The following RALYL variants were observed in gnomAD, a reference collection of about 807,000 sequenced individuals.
The protein encoded by RALYL is RALY RNA binding protein like.
RALYL carries 29 observed loss-of-function variants against 35.1 expected under a neutral mutation model. The ratio of observed to expected loss-of-function variants is 0.83; its 90% CI spans 0.61 to 1.13. The LOEUF (loss-of-function observed/expected upper bound fraction) is 1.13, where lower values mean the gene tolerates loss of function less well. Ranked by LOEUF, RALYL falls within the 50% of genes most tolerant of loss-of-function variation. The pLI is 0.00. For missense variants in RALYL, 359 were observed against 360.4 expected, an observed-to-expected ratio of 1.00 and a Z score of 0.03; for synonymous variants, 120 against 127.6, an observed-to-expected ratio of 0.94 and a Z score of 0.40.
intron 2 of RALYL, among the ~76,000 whole-genome samples, chr8:84,644,910 C>A (rs1434859700): frequency 6.6e-6 from 1 of 151,828 alleles, no homozygotes; most frequent in Non-Finnish European, 1.5e-5. Flanking sequence ...CACCACCACA[C>A]CCAGCTAATT....
At chr8:84,837,025 C>A (rs902216755) in intron 4 of RALYL, among the ~76,000 whole-genome samples, 3 of 152,150 alleles carry the variant, frequency 2.0e-5, no homozygotes, top group African/African-American at 7.2e-5. Context: ...TGTCAAATCC[C>A]TACTCTTTGC....
chr8:84,215,475 T>G (rs145389560), intron 1 of RALYL, among the ~76,000 whole-genome samples: 5 of 152,064 alleles, frequency 3.3e-5, no homozygotes, highest in African/African-American at 9.7e-5. Context: ...GTATTATGCA[T>G]TATATTTATA....
chr8:84,589,102 T>C (rs1044341106), intron 2 of RALYL, among the ~76,000 whole-genome samples: 1 of 152,084 alleles, frequency 6.6e-6, no homozygotes, highest in Non-Finnish European at 1.5e-5. Context: ...TTCACCATGC[T>C]GGTCAGGCTG....
In RALYL at chr8:84,694,685, T is replaced by C. The variant is rs528340402; in HGVS notation, c.257-79894T>C. On this transcript the variant is annotated intron_variant, in intron 2 of 8. Coordinates refer to ENST00000521268, the MANE Select transcript of RALYL (RefSeq NM_173848.7). ...AAAAAGAACACAGCTGGAAGCATCA[T>C]TTTACCTAACTTTAAAATATATTAC... Among the ~76,000 whole-genome samples the C allele has an allele frequency of 1.1e-4, 16 of 151,922 alleles. No individual in the cohort carries two copies. In the East Asian group the frequency reaches 3.1e-3, roughly 29 times the overall value.
At chr8:84,651,026 A>T (rs1391392877) in intron 2 of RALYL, among the ~76,000 whole-genome samples, 2 of 151,056 alleles carry the variant, frequency 1.3e-5, no homozygotes, top group East Asian at 3.9e-4. Flanking sequence ...AACAATGAGA[A>T]CACATGGACA....
chr8:84,674,961 T>C (rs1226695452), intron 2 of RALYL, among the ~76,000 whole-genome samples: 1 of 151,658 alleles, frequency 6.6e-6, no homozygotes, highest in African/African-American at 2.4e-5. Context: ...AGAAGATATA[T>C]GCCAATAGTG....
At chr8:84,747,899 A>G (rs1054948363) in intron 2 of RALYL, among the ~76,000 whole-genome samples, 2 of 152,070 alleles carry the variant, frequency 1.3e-5, no homozygotes, top group Admixed American at 6.6e-5. Context: ...TCGGATTCAA[A>G]CCAAGTTACA....
chr8:84,591,237 T>C (rs1813189884), intron 2 of RALYL, among the ~76,000 whole-genome samples: 1 of 152,130 alleles, frequency 6.6e-6, no homozygotes, highest in Admixed American at 6.5e-5. Context: ...GTAACGTAAG[T>C]CAGTTTTATG....
intron 1 of RALYL, among the ~76,000 whole-genome samples, chr8:84,193,637 G>C (rs1478305211): frequency 6.6e-6 from 1 of 152,160 alleles, no homozygotes; most frequent in East Asian, 1.9e-4. Flanking sequence ...GAAATTAACT[G>C]GTATGGAGAT....
intron 1 of RALYL, among the ~76,000 whole-genome samples, chr8:84,455,631 A>G (rs1241774007): frequency 6.6e-6 from 1 of 152,052 alleles, no homozygotes; most frequent in African/African-American, 2.4e-5. Flanking sequence ...GACAAAGTCA[A>G]TCACAAACAT....
At chr8:84,861,802 AC>A (rs1378489038) in intron 5 of RALYL, among the ~76,000 whole-genome samples, 1 of 152,060 alleles carries the variant, frequency 6.6e-6, no homozygotes, top group Non-Finnish European at 1.5e-5. Flanking sequence ...AGCTGGTTTT[AC>A]TTTTTATCTT....
chr8:84,251,071 A>G (rs1010820424), intron 1 of RALYL, among the ~76,000 whole-genome samples: 1 of 152,140 alleles, frequency 6.6e-6, no homozygotes, highest in African/African-American at 2.4e-5. Flanking sequence ...ATGACAGGTA[A>G]GGAGTTCTAA....
intron 2 of RALYL, among the ~76,000 whole-genome samples, chr8:84,613,686 C>A (rs1170915218): frequency 1.3e-5 from 2 of 151,286 alleles, no homozygotes; most frequent in Non-Finnish European, 1.5e-5. Flanking sequence ...TGATCCCATA[C>A]AATAATGTAC....
At chr8:84,199,214 T>C (rs1391675209) in intron 1 of RALYL, among the ~76,000 whole-genome samples, 14 of 152,306 alleles carry the variant, frequency 9.2e-5, no homozygotes, top group East Asian at 1.9e-4. Flanking sequence ...GATATCTCAT[T>C]GTCTTTTCGA....
intron 1 of RALYL, among the ~76,000 whole-genome samples, chr8:84,450,296 A>T (rs1001313273): frequency 6.6e-6 from 1 of 151,900 alleles, no homozygotes; most frequent in Non-Finnish European, 1.5e-5. Flanking sequence ...TTGACAGGGG[A>T]AATCAAAAAT....
chr8:84,873,539 A>C, intron 7 of RALYL, 142 bp downstream of exon 7: 1 of 464,114 alleles, frequency 2.2e-6, no homozygotes, highest in Non-Finnish European at 3.9e-6. Flanking sequence ...TTAAGCCCAG[A>C]GTTGCAATAA....
chr8:84,330,653 T>C (rs142532430), intron 1 of RALYL, among the ~76,000 whole-genome samples: 2 of 152,194 alleles, frequency 1.3e-5, no homozygotes, highest in African/African-American at 4.8e-5. Flanking sequence ...TAGATTTTGC[T>C]TATCTTTGAA....
chr8:84,224,409 G>A, intron 1 of RALYL, among the ~76,000 whole-genome samples: 1 of 152,144 alleles, frequency 6.6e-6, no homozygotes, highest in East Asian at 1.9e-4. Context: ...TTAAATTGGA[G>A]TGTCCAAATG....
rs552650602 is a variant in RALYL, at chr8:84,839,787, A to G, written c.366-10193A>G. 2.0e-5 allele frequency among the ~76,000 whole-genome samples: 3 copies of G among 152,362 alleles called. No individual in the cohort carries two copies. In the East Asian group the frequency reaches 5.8e-4, roughly 29 times the overall value. On this transcript the variant is annotated intron_variant, in intron 4 of 8. Coordinates refer to ENST00000521268, the MANE Select transcript of RALYL (RefSeq NM_173848.7). Reference sequence around the variant, plus strand: ...AGACAAAACTTCCAGAGGAACGATCAGGCAGCAACATTTGCTGCTCACCAA... The same window carrying G: ...AGACAAAACTTCCAGAGGAACGATCGGGCAGCAACATTTGCTGCTCACCAA...
Sources: allele counts gnomAD v4.1 joint callset (sites outside exome capture counted in the v4.1 genomes callset), GRCh38; gene constraint gnomAD v4.1.1; transcripts MANE v1.5; gene names NCBI Gene and HGNC (gene_info 2026-07-23, HGNC 2026-07-21).